Variants in CLEC12A observed in about 807,000 individuals in gnomAD.
The protein encoded by CLEC12A is C-type lectin domain family 12 member A.
A neutral mutation model predicts 26.5 loss-of-function variants in CLEC12A; 22 were observed. The observed-to-expected ratio is 0.83, with a 90% CI of 0.59 to 1.19. The LOEUF is 1.19. Ranked by LOEUF, CLEC12A falls within the 50% of genes most tolerant of loss-of-function variation. The pLI is 0.00. For synonymous variants in CLEC12A, 119 were observed against 101.9 expected (o/e 1.17, Z -1.01); for missense variants, 353 against 315.6 (o/e 1.12, Z -0.90).
chr12:10,002,438 A>ATTTTTTTTTTTTTTTTTTTTT, the CLEC12A span, among the ~76,000 whole-genome samples: 3 of 127,508 alleles, frequency 2.4e-5, no homozygotes, highest in Non-Finnish European at 5.0e-5. Context: ...AAGTTGGGTA[A>ATTTTTTTTTTTTTTTTTTTTT]TGTTTTTTTT....
At chr12:9,990,419 G>A (rs1309439467), downstream of CLEC12A, among the ~76,000 whole-genome samples, 4 of 152,156 alleles carry the variant, frequency 2.6e-5, no homozygotes, top group Admixed American at 6.6e-5. Flanking sequence ...ACTTGCAGGC[G>A]TTCAAGACTT....
the CLEC12A span, among the ~76,000 whole-genome samples, chr12:10,004,854 A>G: frequency 2.0e-4 from 31 of 151,852 alleles, 1 homozygote; most frequent in East Asian, 2.1e-3. Context: ...CCATGTTGGT[A>G]TGCTGCACCC....
intron 4 of CLEC12A, chr12:9,992,772 T>C (rs529334471): frequency 6.1e-6 from 1 of 165,182 alleles, no homozygotes; most frequent in African/African-American, 2.4e-5. Flanking sequence ...TTTGGACAGA[T>C]TTCAAACATA....
intron 5 of CLEC12A, chr12:9,983,556 G>A (rs1486972789): frequency 2.0e-5 from 14 of 696,042 alleles, no homozygotes; most frequent in South Asian, 1.5e-4. Flanking sequence ...AAAGAAACCA[G>A]AGTCTCAACC....
chr12:9,997,113 T>A (rs1865070984), downstream of CLEC12A: 4 of 1,610,220 alleles, frequency 2.5e-6, no homozygotes, highest in Non-Finnish European at 3.4e-6. Flanking sequence ...ATCAGAGAAA[T>A]GCTCCAGGGG....
chr12:9,977,442 C>A (rs1174479706), intron 1 of CLEC12A, among the ~76,000 whole-genome samples: 1 of 152,102 alleles, frequency 6.6e-6, no homozygotes, highest in African/African-American at 2.4e-5. Flanking sequence ...CAAAAGAAAA[C>A]AAATAAAACC....
At chr12:9,957,214 G>T (rs1044173818) in intron 1 of CLEC12A, among the ~76,000 whole-genome samples, 9 of 151,610 alleles carry the variant, frequency 5.9e-5, no homozygotes, top group African/African-American at 1.7e-4. Context: ...TGTGGGTAGG[G>T]CGGTGGCTCA....
chr12:9,973,193 G>A (rs1864194991), intron 1 of CLEC12A, among the ~76,000 whole-genome samples: 1 of 152,078 alleles, frequency 6.6e-6, no homozygotes, highest in Non-Finnish European at 1.5e-5. Flanking sequence ...AGGTGCAGTG[G>A]CTCATACCCA....
At chr12:9,956,780 A>T (rs542728984) in intron 1 of CLEC12A, among the ~76,000 whole-genome samples, 6 of 152,200 alleles carry the variant, frequency 3.9e-5, no homozygotes, top group African/African-American at 1.4e-4. Context: ...AGAGAGAAAC[A>T]TTATGTTTTG....
At chr12:9,971,341 TATG>T, upstream of CLEC12A, 1 of 971,656 alleles carries the variant, frequency 1.0e-6, no homozygotes, top group South Asian at 4.5e-5. Context: ...AAGGAAGAAA[TATG>T]AGGAAGAAAG....
chr12:9,990,915 A>G (rs563815522), intron 4 of CLEC12A: 1 of 152,358 alleles, frequency 6.6e-6, no homozygotes, highest in East Asian at 1.9e-4. Flanking sequence ...ACCAGCAAAA[A>G]GATTTTCACT....
chr12:9,988,588 A>G (rs908837207), downstream of CLEC12A, among the ~76,000 whole-genome samples: 3 of 152,244 alleles, frequency 2.0e-5, no homozygotes, highest in South Asian at 2.1e-4. Context: ...GAAGACATTT[A>G]TGCAGCCAAA....
intron 2 of CLEC12A, 40 bp from the exon 3 acceptor site, chr12:9,979,296 T>C (rs1864457406): frequency 7.0e-7 from 1 of 1,429,032 alleles, no homozygotes. Flanking sequence ...GATGGCTCTA[T>C]TGAGAATTTA....
At chr12:9,985,766 A>G (rs1369653961), downstream of CLEC12A, 75 of 295,874 alleles carry the variant, frequency 2.5e-4, no homozygotes, top group Non-Finnish European at 1.2e-5. Context: ...TATACCCAAG[A>G]GGCTTTGTTA....
At chr12:9,966,318 G>A (rs181779298) in intron 1 of CLEC12A, among the ~76,000 whole-genome samples, 62 of 152,314 alleles carry the variant, frequency 4.1e-4, no homozygotes, top group African/African-American at 1.5e-3. Context: ...AGGTGATTGG[G>A]CAGTGACAGT....
intron 1 of CLEC12A, among the ~76,000 whole-genome samples, chr12:9,957,859 T>G (rs1222175363): frequency 1.3e-5 from 2 of 152,226 alleles, no homozygotes; most frequent in African/African-American, 4.8e-5. Flanking sequence ...TCTCTTTGGC[T>G]TAGTGATTTG....
chr12:9,954,264 G>A (rs981823669), intron 1 of CLEC12A, among the ~76,000 whole-genome samples: 1 of 149,912 alleles, frequency 6.7e-6, no homozygotes, highest in African/African-American at 2.5e-5. Context: ...AAGAAACTGA[G>A]GTGGGCAGAT....
At chr12:9,954,205 T>TAAAAAAAA (rs35173002) in intron 1 of CLEC12A, among the ~76,000 whole-genome samples, 32 of 64,434 alleles carry the variant, frequency 5.0e-4, no homozygotes, top group African/African-American at 9.0e-4. Context: ...GAATTATCAA[T>TAAAAAAAA]AAAAAAAAAA....
the CLEC12A span, among the ~76,000 whole-genome samples, chr12:10,002,024 C>T: frequency 5.9e-5 from 9 of 151,948 alleles, no homozygotes; most frequent in South Asian, 4.2e-4. Flanking sequence ...GGAGTACAGG[C>T]GCCCACCACC....
Sources: gnomAD v4.1 joint callset for allele counts (sites outside exome capture counted in the v4.1 genomes callset) on GRCh38, gnomAD v4.1.1 for gene constraint, MANE v1.5 for transcripts, NCBI Gene and HGNC (gene_info 2026-07-23, HGNC 2026-07-21) for gene names.